CCDC141: variants seen among roughly 807,000 people sequenced by gnomAD.
CCDC141 encodes coiled-coil domain-containing protein 141.
A neutral mutation model predicts 181.0 loss-of-function variants in CCDC141; 168 were observed. That is an observed-to-expected ratio of 0.93 (90% confidence interval 0.82 to 1.05). CCDC141 has a LOEUF of 1.05. Among genes scored for constraint, CCDC141 ranks in the 50% least tolerant of loss-of-function variants. The pLI is 0.00. For synonymous variants in CCDC141, 666 were observed against 642.3 expected, an observed-to-expected ratio of 1.04 and a Z score of -0.56; for missense variants, 1,902 against 1,788.5, an observed-to-expected ratio of 1.06 and a Z score of -1.14.
intron 2 of CCDC141, among the ~76,000 whole-genome samples, chr2:179,009,854 G>A (rs34040683): frequency 0.48 from 72,609 of 151,950 alleles, 20,736 homozygotes; most frequent in Non-Finnish European, 0.64. Context: ...GCTAATCAGG[G>A]AGGGATCAGA....
At chr2:178,862,998 T>C (rs1265850068) in intron 17 of CCDC141, among the ~76,000 whole-genome samples, 1 of 151,954 alleles carries the variant, frequency 6.6e-6, no homozygotes, top group Non-Finnish European at 1.5e-5. Flanking sequence ...TACCAGAAAA[T>C]AGGGATAGAA....
At chr2:179,037,762 C>T (rs2043184756) in intron 2 of CCDC141, among the ~76,000 whole-genome samples, 1 of 152,184 alleles carries the variant, frequency 6.6e-6, no homozygotes, top group Non-Finnish European at 1.5e-5. Context: ...CAACATCATC[C>T]ACTTTAGGGA....
intron 2 of CCDC141, among the ~76,000 whole-genome samples, chr2:179,016,410 A>G: frequency 6.6e-6 from 1 of 152,158 alleles, no homozygotes; most frequent in South Asian, 2.1e-4. Flanking sequence ...ATATATTTAG[A>G]GGCAAGATGA....
At chr2:178,897,700 A>G (rs1376058162) in intron 8 of CCDC141, among the ~76,000 whole-genome samples, 1 of 152,220 alleles carries the variant, frequency 6.6e-6, no homozygotes, top group Non-Finnish European at 1.5e-5. Context: ...AGTTAATTTT[A>G]GCAAACAGGA....
chr2:178,845,808 C>T (rs1053063294), intron 21 of CCDC141, 66 bp from the exon 22 acceptor site: 10 of 908,022 alleles, frequency 1.1e-5, no homozygotes, highest in African/African-American at 1.6e-5. Context: ...CATACACTAA[C>T]TACTTGGAAG....
chr2:178,926,089 C>T, intron 6 of CCDC141, among the ~76,000 whole-genome samples: 1 of 151,912 alleles, frequency 6.6e-6, no homozygotes, highest in African/African-American at 2.4e-5. Flanking sequence ...GTTTTAAAAA[C>T]ACATATTTCC....
intron 2 of CCDC141, among the ~76,000 whole-genome samples, chr2:178,987,067 A>G (rs1691785423): frequency 6.7e-6 from 1 of 149,982 alleles, no homozygotes; most frequent in South Asian, 2.2e-4. Context: ...ACTTCAAACT[A>G]TACTACAAGG....
chr2:178,987,735 C>T (rs1274861148), intron 2 of CCDC141, among the ~76,000 whole-genome samples: 1 of 150,630 alleles, frequency 6.6e-6, no homozygotes, highest in Non-Finnish European at 1.5e-5. Flanking sequence ...CCATCACTGG[C>T]CATCAGAGAA....
intron 8 of CCDC141, among the ~76,000 whole-genome samples, chr2:178,893,163 T>G (rs1687236422): frequency 6.6e-6 from 1 of 152,096 alleles, no homozygotes. Context: ...AATGAGAACA[T>G]TCTCTCCCTT....
chr2:178,900,819 A>G (rs932070333), intron 8 of CCDC141, among the ~76,000 whole-genome samples: 1 of 152,164 alleles, frequency 6.6e-6, no homozygotes, highest in Non-Finnish European at 1.5e-5. Context: ...GACTGGATTT[A>G]CCCTCATGCC....
the CCDC141 span, among the ~76,000 whole-genome samples, chr2:178,815,491 T>C: frequency 6.6e-6 from 1 of 152,190 alleles, no homozygotes; most frequent in Non-Finnish European, 1.5e-5. Context: ...GGAACACTTA[T>C]CATCTGTAAT....
intron 2 of CCDC141, among the ~76,000 whole-genome samples, chr2:179,034,132 G>A (rs886694218): frequency 2.0e-4 from 31 of 152,076 alleles, no homozygotes; most frequent in African/African-American, 7.2e-4. Flanking sequence ...AGAAAATGTG[G>A]TATATAAACA....
At chr2:178,914,410 C>T (rs1688351260) in intron 7 of CCDC141, among the ~76,000 whole-genome samples, 1 of 152,184 alleles carries the variant, frequency 6.6e-6, no homozygotes. Flanking sequence ...GGTTGGTTTA[C>T]AGCAAGCAGC....
intron 21 of CCDC141, among the ~76,000 whole-genome samples, chr2:178,848,366 T>C (rs1241446039): frequency 6.6e-6 from 1 of 152,152 alleles, no homozygotes; most frequent in Non-Finnish European, 1.5e-5. Flanking sequence ...GAGTTTGTAG[T>C]AGAGTGTTGT....
chr2:178,934,710 T>C (rs1689219747), intron 6 of CCDC141, among the ~76,000 whole-genome samples: 1 of 152,186 alleles, frequency 6.6e-6, no homozygotes, highest in African/African-American at 2.4e-5. Flanking sequence ...AAAGTTTACT[T>C]AGAAAGAACT....
intron 10 of CCDC141, 103 bp downstream of exon 10, chr2:178,886,649 T>A (rs1558955384): frequency 4.1e-6 from 3 of 723,528 alleles, no homozygotes; most frequent in Non-Finnish European, 6.5e-6. Flanking sequence ...GAATTTAGAA[T>A]TGTAAACCTC....
intron 2 of CCDC141, among the ~76,000 whole-genome samples, chr2:178,979,902 T>G (rs1691290172): frequency 6.6e-6 from 1 of 152,144 alleles, no homozygotes; most frequent in South Asian, 2.1e-4. Flanking sequence ...TTTAAAAACT[T>G]TAAATATATA....
chr2:178,818,752 T>C, the CCDC141 span, among the ~76,000 whole-genome samples: 1 of 152,228 alleles, frequency 6.6e-6, no homozygotes, highest in Non-Finnish European at 1.5e-5. Flanking sequence ...TGGGCATGTA[T>C]CTTTATAACA....
At chr2:178,947,954 G>A (rs1005511264) in intron 5 of CCDC141, among the ~76,000 whole-genome samples, 10 of 152,134 alleles carry the variant, frequency 6.6e-5, no homozygotes, top group African/African-American at 2.4e-4. Context: ...AAACCAAGCA[G>A]TTTGGGAAGC....
Sources: allele counts gnomAD v4.1 joint callset (sites outside exome capture counted in the v4.1 genomes callset), GRCh38; gene constraint gnomAD v4.1.1; transcripts MANE v1.5; gene names NCBI Gene and HGNC (gene_info 2026-07-23, HGNC 2026-07-21).